CMYA5: variants seen among roughly 807,000 people sequenced by gnomAD.
The protein encoded by CMYA5 is cardiomyopathy associated 5.
CMYA5 carries 246 observed loss-of-function variants against 318.9 expected under a neutral mutation model. The ratio of observed to expected loss-of-function variants is 0.77; its 90% CI spans 0.70 to 0.86. The LOEUF is 0.86. Among genes scored for constraint, CMYA5 ranks in the 40% least tolerant of loss-of-function variants. The pLI is 0.00. For synonymous variants in CMYA5, 1,641 were observed against 1,729.5 expected, an observed-to-expected ratio of 0.95 and a Z score of 1.27; for missense variants, 4,589 against 4,678.2, an observed-to-expected ratio of 0.98 and a Z score of 0.56.
At chr5:79,698,766 C>T (rs772542675) in intron 1 of CMYA5, among the ~76,000 whole-genome samples, 9 of 152,140 alleles carry the variant, frequency 5.9e-5, no homozygotes, top group Non-Finnish European at 1.0e-4. Context: ...TTATTGACAC[C>T]ACCAGAATGT....
intron 9 of CMYA5, among the ~76,000 whole-genome samples, chr5:79,771,480 C>G (rs910826902): frequency 6.6e-6 from 1 of 152,192 alleles, no homozygotes; most frequent in Non-Finnish European, 1.5e-5. Flanking sequence ...TTAATGGCAT[C>G]CGTCCCCAGT....
intron 10 of CMYA5, among the ~76,000 whole-genome samples, chr5:79,789,793 A>G (rs1580808368): frequency 6.6e-6 from 1 of 152,138 alleles, no homozygotes; most frequent in Non-Finnish European, 1.5e-5. Flanking sequence ...TATGTGTGGT[A>G]GGTTGGGGAT....
chr5:79,713,638 C>T (rs1208989978), intron 1 of CMYA5, among the ~76,000 whole-genome samples: 2 of 151,956 alleles, frequency 1.3e-5, no homozygotes, highest in Non-Finnish European at 2.9e-5. Flanking sequence ...TAGATACTCC[C>T]TAAATATTTA....
At chr5:79,756,319 G>C (rs1044379004) in intron 6 of CMYA5, among the ~76,000 whole-genome samples, 4 of 152,180 alleles carry the variant, frequency 2.6e-5, no homozygotes, top group African/African-American at 9.7e-5. Context: ...CTTTCCAGAT[G>C]ATGGGTCCCT....
chr5:79,799,864 C>CG lies in CMYA5; in HGVS notation c.*248_*249insG. On this transcript the variant is annotated 3_prime_UTR_variant, in exon 13 of 13. Transcript: ENST00000446378. ...AGTTTATATAAGTTTGAGTTCTTTCCTAAATTAAAAGATCTACACTTGAGT... is the reference window on the plus strand; with the variant it reads ...AGTTTATATAAGTTTGAGTTCTTTCCGTAAATTAAAAGATCTACACTTGAGT... The CG allele has an allele frequency of 5.0e-6, 1 of 199,846 alleles. No individual in the cohort carries two copies. Among genetic ancestry groups the CG allele is most frequent in the Admixed American group, 7.2e-5 (1 of 13,956 alleles). 12.4% of individuals were successfully genotyped at this position (199,846 alleles called of 1,614,324 possible).
rs534650503 is a variant in CMYA5, at chr5:79,793,706, C to T, written c.11963+96C>T. 3 of 1,083,078 alleles carry T rather than the reference C, an allele frequency of 2.8e-6. No individual in the cohort carries two copies. In the East Asian group the frequency reaches 7.6e-5, roughly 27 times the overall value. 67.1% of individuals were successfully genotyped at this position (1,083,078 alleles called of 1,614,324 possible). A position where few individuals can be genotyped will look rare whatever the true frequency, so the allele number is the denominator to read the frequency against. Reference sequence around the variant, plus strand: ...GGACCTGATAAATAGCACCCACTTCCATGCTCAACTTCTGAGCCAACTAAG... The same window carrying T: ...GGACCTGATAAATAGCACCCACTTCTATGCTCAACTTCTGAGCCAACTAAG... On this transcript the variant is annotated intron_variant, in intron 12 of 12. Coordinates refer to ENST00000446378, the MANE Select transcript of CMYA5 (RefSeq NM_153610.5).
At position 79,752,689 on chromosome 5, in the gene CMYA5, A is replaced by G. The variant is rs1307419052; in HGVS notation, c.11005A>G (p.Met3669Val). Reference sequence around the variant, plus strand: ...ATTCCCCGATAGGTTGCTTTCTGCAATGGAGAGCACTGCTTCTTTAGAGAA... The same window carrying G: ...ATTCCCCGATAGGTTGCTTTCTGCAGTGGAGAGCACTGCTTCTTTAGAGAA... ...EEINERLLSA[M>V]ESTASLEKMP... is the part of the protein sequence containing the mutation. Residue 3669 changes from methionine to valine, a missense_variant, in exon 6 of 13, where the codon ATG becomes GTG. By Grantham distance (21) the Met-to-Val change is conservative. Transcript: ENST00000446378. The G allele has an allele frequency of 1.2e-6, 2 of 1,612,776 alleles. No homozygotes were observed. Among genetic ancestry groups the G allele is most frequent in the East Asian group, 2.2e-5 (1 of 44,874 alleles).
rs761802861 is a variant in CMYA5, at chr5:79,732,580, C to T, written c.3815C>T (p.Ser1272Phe). The change falls in exon 2 of 13, where the codon TCC (serine) becomes TTC (phenylalanine). Residue 1272 changes from serine (S) to phenylalanine (F), a missense_variant. This residue lies in a region of CMYA5 where 2,132 missense variants were observed against 2,131.3 expected (regional missense o/e 1.00). Transcript: ENST00000446378. Reference protein sequence around the residue: ...VTSELEQRKLSKNEPEVIKPY... With the variant: ...VTSELEQRKLFKNEPEVIKPY... Reference sequence around the variant, plus strand: ...TCTGAACTAGAACAGAGAAAGTTGTCCAAGAATGAGCCTGAAGTAATAAAA... The same window carrying T: ...TCTGAACTAGAACAGAGAAAGTTGTTCAAGAATGAGCCTGAAGTAATAAAA... 1.9e-6 allele frequency: 3 copies of T among 1,612,876 alleles called. No individual in the cohort carries two copies. In the South Asian group the frequency reaches 3.3e-5, roughly 18 times the overall value.
At position 79,736,619 on chromosome 5, in the gene CMYA5, AC is replaced by A; in HGVS notation, c.7856del (p.Pro2619HisfsTer4). 6.2e-7 allele frequency: 1 copy of A among 1,613,826 alleles called. No individual in the cohort carries two copies. Among genetic ancestry groups the A allele is most frequent in the Non-Finnish European group, 8.5e-7 (1 of 1,179,804 alleles). On this transcript the variant is annotated frameshift_variant, in exon 2 of 13. Transcript: ENST00000446378. LOFTEE classifies it high-confidence loss of function. ...GAGAAGCAAAGGCAGTAGGAACCCAACCACATCCTTTAGAAGAAAGTAAAGT... is the reference window on the plus strand; with the variant it reads ...GAGAAGCAAAGGCAGTAGGAACCCAACACATCCTTTAGAAGAAAGTAAAGT... ...IREAKAVGTQ[P>X]HPLEESKVLV... is the part of the protein sequence containing the mutation.
At chr5:79,705,490 CA>C (rs1456841365) in intron 1 of CMYA5, among the ~76,000 whole-genome samples, 1 of 151,570 alleles carries the variant, frequency 6.6e-6, no homozygotes, top group Non-Finnish European at 1.5e-5. Flanking sequence ...CCAAAGCTAC[CA>C]TTAGTCCTTA....
At chr5:79,716,878 A>G (rs1434537751) in intron 1 of CMYA5, among the ~76,000 whole-genome samples, 2 of 152,224 alleles carry the variant, frequency 1.3e-5, no homozygotes, top group African/African-American at 4.8e-5. Flanking sequence ...TTTATATCAC[A>G]AATCTATAGT....
At chr5:79,756,263 T>C (rs1355320266) in intron 6 of CMYA5, among the ~76,000 whole-genome samples, 2 of 152,204 alleles carry the variant, frequency 1.3e-5, no homozygotes, top group African/African-American at 4.8e-5. Flanking sequence ...GCCTCTGCCT[T>C]AGCATGCAGT....
At chr5:79,771,936 T>C (rs1180104742) in intron 9 of CMYA5, among the ~76,000 whole-genome samples, 4 of 152,156 alleles carry the variant, frequency 2.6e-5, no homozygotes, top group African/African-American at 4.8e-5. Context: ...AACATAGATA[T>C]GAAGAGAGAA....
chr5:79,712,989 T>G (rs1827427763), intron 1 of CMYA5, among the ~76,000 whole-genome samples: 1 of 152,224 alleles, frequency 6.6e-6, no homozygotes, highest in Non-Finnish European at 1.5e-5. Flanking sequence ...CAGTAGCTGT[T>G]GAAGAATTCC....
rs1007661599 is a variant in CMYA5 at position 79,742,105 on chromosome 5, C to G, written c.10639-1722C>G. Among the ~76,000 whole-genome samples, 3 of 107,828 alleles carry G rather than the reference C, an allele frequency of 2.8e-5. No homozygotes were observed. The Admixed American group carries it at 2.8e-4, about 10-fold the overall frequency. 70.7% of individuals were successfully genotyped at this position (107,828 alleles called of 152,430 possible). A position where few individuals can be genotyped will look rare whatever the true frequency, so the allele number is the denominator to read the frequency against. On this transcript the variant is annotated intron_variant, in intron 2 of 12. Transcript: ENST00000446378. ...CTTCTTCTTCTTCTTCTTCTTTCTT[C>G]TTCTCTTCTTCTTCTTCTTCCTCCT...
In CMYA5 at chr5:79,730,308, A is replaced by G. The variant is rs1246440777; in HGVS notation, c.1543A>G (p.Ile515Val). 12 of 1,613,716 alleles carry G rather than the reference A, an allele frequency of 7.4e-6. No individual in the cohort carries two copies. The highest frequency in any genetic ancestry group is 1.7e-5 in the Admixed American group (1 of 59,980). The change falls in exon 2 of 13, where the codon ATA becomes GTA. Residue 515 changes from isoleucine to valine, a missense_variant. By Grantham distance (29) the Ile-to-Val change is conservative. Transcript: ENST00000446378. ...EKEEIETSLP[I>V]AITPEPEDSN... ...AGAAGAAATAGAAACTTCCCTACCC[A>G]TAGCTATTACCCCTGAACCTGAAGA...
intron 1 of CMYA5, among the ~76,000 whole-genome samples, chr5:79,693,802 T>C (rs1827016816): frequency 6.6e-6 from 1 of 152,172 alleles, no homozygotes; most frequent in East Asian, 1.9e-4. Flanking sequence ...ACAAAATGAA[T>C]AAGGTCTCTG....
intron 5 of CMYA5, among the ~76,000 whole-genome samples, chr5:79,751,903 C>G (rs76630186): frequency 0.04 from 6,164 of 152,252 alleles, 294 homozygotes; most frequent in African/African-American, 0.11. Context: ...AGGAGCTGAG[C>G]AAGTGTCTGG....
intron 11 of CMYA5, among the ~76,000 whole-genome samples, 171 bp downstream of exon 11, chr5:79,791,240 C>T (rs1361682042): frequency 6.6e-6 from 1 of 152,028 alleles, no homozygotes; most frequent in African/African-American, 2.4e-5. Flanking sequence ...TGGTTCCCTA[C>T]CGAGCGATAG....
Sources: allele counts gnomAD v4.1 joint callset (sites outside exome capture counted in the v4.1 genomes callset), GRCh38; gene constraint gnomAD v4.1.1; regional missense constraint gnomAD v4.1.1; transcripts MANE v1.5; gene names NCBI Gene and HGNC (gene_info 2026-07-23, HGNC 2026-07-21).